The following NLGN1 variants were observed in gnomAD, a reference collection of about 807,000 sequenced individuals.
The protein encoded by NLGN1 is neuroligin-1.
In NLGN1, 12 loss-of-function variants were observed where a neutral mutation model predicts 65.5. The observed-to-expected ratio is 0.18, with a 90% CI of 0.12 to 0.30. The LOEUF is 0.30. Ranked by LOEUF, NLGN1 falls within the 10% of genes least tolerant of loss-of-function variation. NLGN1 has a pLI of 1.00. For synonymous variants in NLGN1, 350 were observed against 359.5 expected (o/e 0.97, Z 0.30); for missense variants, 750 against 1,007.1 (o/e 0.74, Z 3.46).
At chr3:173,958,729 T>C (rs1053666873) in intron 4 of NLGN1, among the ~76,000 whole-genome samples, 2 of 152,142 alleles carry the variant, frequency 1.3e-5, no homozygotes, top group Admixed American at 1.3e-4. Flanking sequence ...GACTCTCCCC[T>C]TTCTGCCCTG....
chr3:173,497,265 TC>T (rs1192147046), intron 2 of NLGN1, among the ~76,000 whole-genome samples: 2 of 151,518 alleles, frequency 1.3e-5, no homozygotes, highest in Non-Finnish European at 2.9e-5. Context: ...GCTCCTGTAA[TC>T]CCAGCTACTT....
At chr3:174,059,465 T>C (rs1736917820) in intron 4 of NLGN1, among the ~76,000 whole-genome samples, 1 of 152,232 alleles carries the variant, frequency 6.6e-6, no homozygotes, top group South Asian at 2.1e-4. Context: ...AGTAATCAAA[T>C]TAGAGGATGA....
In NLGN1 at chr3:174,116,324, GGTTTTCTTTTTTT is replaced by G. The variant is rs1218200916; in HGVS notation, c.647-158990_647-158978del. The stretch of plus-strand genomic sequence containing the variant: ...ATTGTGACATGTAAGTTTTTTTCTG[GGTTTTCTTTTTTT>G]TTTTTTTTTTTTTTTTTTTTGAGAC... On this transcript the variant is annotated intron_variant, in intron 4 of 6. Transcript: ENST00000457714. Among the ~76,000 whole-genome samples, 93 of 102,836 alleles carry G rather than the reference GGTTTTCTTTTTTT, an allele frequency of 9.0e-4. 3 individuals are homozygous for G. Among genetic ancestry groups the G allele is most frequent in the African/African-American group, 3.0e-3 (78 of 26,182 alleles). 67.5% of individuals were successfully genotyped at this position (102,836 alleles called of 152,430 possible).
At chr3:173,511,035 G>T (rs981825738) in intron 2 of NLGN1, among the ~76,000 whole-genome samples, 2 of 152,132 alleles carry the variant, frequency 1.3e-5, no homozygotes, top group African/African-American at 4.8e-5. Flanking sequence ...TTAAATTTCA[G>T]TGCAGCTAAG....
chr3:173,472,000 G>C (rs1363344585), intron 2 of NLGN1, among the ~76,000 whole-genome samples: 1 of 152,136 alleles, frequency 6.6e-6, no homozygotes, highest in Non-Finnish European at 1.5e-5. Context: ...TAAGGTAGAA[G>C]TGCTGGGGTT....
At chr3:173,512,227 A>C (rs902364522) in intron 2 of NLGN1, among the ~76,000 whole-genome samples, 1 of 152,242 alleles carries the variant, frequency 6.6e-6, no homozygotes, top group African/African-American at 2.4e-5. Context: ...GCAAGGGCAA[A>C]GTGTCAGTGT....
intron 3 of NLGN1, among the ~76,000 whole-genome samples, chr3:173,729,847 C>G (rs1772472771): frequency 6.6e-6 from 1 of 152,088 alleles, no homozygotes; most frequent in South Asian, 2.1e-4. Flanking sequence ...AAAATTTTTA[C>G]TGATTACCAA....
At chr3:173,756,682 C>A (rs1777176478) in intron 3 of NLGN1, among the ~76,000 whole-genome samples, 1 of 151,392 alleles carries the variant, frequency 6.6e-6, no homozygotes, top group South Asian at 2.1e-4. Flanking sequence ...GATTACAGAT[C>A]TGTGTCAAGA....
chr3:174,125,114 T>G (rs552155727), intron 4 of NLGN1, among the ~76,000 whole-genome samples: 1 of 152,224 alleles, frequency 6.6e-6, no homozygotes, highest in African/African-American at 2.4e-5. Flanking sequence ...GTTTTTTATT[T>G]GTATTCTAAG....
intron 4 of NLGN1, among the ~76,000 whole-genome samples, chr3:174,092,817 T>C (rs1744774592): frequency 6.6e-6 from 1 of 152,124 alleles, no homozygotes; most frequent in Non-Finnish European, 1.5e-5. Flanking sequence ...TATTCAAAAG[T>C]TAGGGACAAT....
chr3:173,855,210 A>C (rs190265737), intron 4 of NLGN1, among the ~76,000 whole-genome samples: 1 of 152,250 alleles, frequency 6.6e-6, no homozygotes, highest in Admixed American at 6.5e-5. Flanking sequence ...TTTAAAATTT[A>C]GTCATATCTG....
chr3:174,013,788 A>AC lies in NLGN1; in HGVS notation c.646+205957dup, dbSNP rs1341661432. Among the ~76,000 whole-genome samples the AC allele has an allele frequency of 2.0e-5, 3 of 152,194 alleles. No individual in the cohort carries two copies. In the South Asian group the frequency reaches 6.2e-4, roughly 32 times the overall value. Reference sequence around the variant, plus strand: ...GAGTGAGATGAGGTGATCATGGCTCACTGCCGCAGCCTCAACATGCTGGGC... The same window carrying AC: ...GAGTGAGATGAGGTGATCATGGCTCACCTGCCGCAGCCTCAACATGCTGGGC... On this transcript the variant is annotated intron_variant, in intron 4 of 6. Transcript: ENST00000457714.
intron 4 of NLGN1, among the ~76,000 whole-genome samples, chr3:174,001,506 G>C (rs1272434080): frequency 6.6e-6 from 1 of 152,152 alleles, no homozygotes; most frequent in Non-Finnish European, 1.5e-5. Flanking sequence ...GCAGTCTTGA[G>C]AAAAGATCAG....
intron 4 of NLGN1, among the ~76,000 whole-genome samples, chr3:174,115,774 T>C (rs928214416): frequency 6.6e-5 from 10 of 152,208 alleles, no homozygotes; most frequent in Non-Finnish European, 1.5e-4. Flanking sequence ...TAATTTATCC[T>C]CTATCACTAA....
intron 2 of NLGN1, among the ~76,000 whole-genome samples, chr3:173,602,792 A>C (rs1560032660): frequency 6.6e-6 from 1 of 152,020 alleles, no homozygotes; most frequent in Non-Finnish European, 1.5e-5. Context: ...GCTGTGGCCC[A>C]CTATGATGCT....
intron 4 of NLGN1, among the ~76,000 whole-genome samples, chr3:173,988,235 C>A (rs367948619): frequency 6.6e-6 from 1 of 152,034 alleles, no homozygotes; most frequent in Non-Finnish European, 1.5e-5. Flanking sequence ...AGTCAGGGGA[C>A]TAGAATTGGG....
chr3:173,455,294 C>T (rs981527521), intron 2 of NLGN1, among the ~76,000 whole-genome samples: 2 of 152,188 alleles, frequency 1.3e-5, no homozygotes, highest in Admixed American at 1.3e-4. Context: ...GTAGATGCCA[C>T]AGTCTTTTAA....
In NLGN1 at chr3:174,280,428, TTAAG is replaced by T; in HGVS notation, c.1650-49_1650-46del. ...TATTAGATGTTAAAGTAGTGTGATT[TTAAG>T]TAAAAAATAAAATAGCTTTATTCTC... On this transcript the variant is annotated intron_variant, in intron 6 of 6. Coordinates refer to ENST00000457714, the Ensembl canonical transcript of NLGN1. This position sits in a 1 kb window ranked among gnomAD's most constrained non-coding sequence, Gnocchi z 4.9. 2 of 1,263,550 alleles carry T rather than the reference TTAAG, an allele frequency of 1.6e-6. No individual in the cohort carries two copies. The highest frequency in any genetic ancestry group is 2.2e-6 in the Non-Finnish European group (2 of 909,148). 78.3% of individuals were successfully genotyped at this position (1,263,550 alleles called of 1,614,324 possible).
At chr3:174,060,332 T>C (rs1199805435) in intron 4 of NLGN1, among the ~76,000 whole-genome samples, 1 of 151,950 alleles carries the variant, frequency 6.6e-6, no homozygotes, top group Admixed American at 6.6e-5. Context: ...ACTTTTCAAG[T>C]TGATGTGAAG....
Sources: gnomAD v4.1 joint callset for allele counts (sites outside exome capture counted in the v4.1 genomes callset) on GRCh38, gnomAD v4.1.1 for gene constraint, Gnocchi (gnomAD v3.1) non-coding constraint, MANE v1.5 for transcripts, NCBI Gene and HGNC (gene_info 2026-07-23, HGNC 2026-07-21) for gene names.